CNTN3: variants seen among roughly 807,000 people sequenced by gnomAD.
CNTN3 encodes the protein contactin-3.
A neutral mutation model predicts 119.1 loss-of-function variants in CNTN3; 60 were observed. The ratio of observed to expected loss-of-function variants is 0.50; its 90% CI spans 0.41 to 0.62. The LOEUF is 0.62. Among genes scored for constraint, CNTN3 ranks in the 20% least tolerant of loss-of-function variants. The probability of loss-of-function intolerance (pLI) is 0.00; values close to 1 mark genes in which losing one functional copy is unlikely to be tolerated. For missense variants in CNTN3, 1,101 were observed against 1,242.4 expected, an observed-to-expected ratio of 0.89 and a Z score of 1.71; for synonymous variants, 450 against 438.7, an observed-to-expected ratio of 1.03 and a Z score of -0.32.
intron 1 of CNTN3, among the ~76,000 whole-genome samples, chr3:74,523,277 A>G (rs754677690): frequency 1.3e-5 from 2 of 151,910 alleles, no homozygotes; most frequent in African/African-American, 2.4e-5. Context: ...GATGAAACAC[A>G]CACAAACATG....
At chr3:74,433,590 C>G (rs903994602) in intron 4 of CNTN3, among the ~76,000 whole-genome samples, 2 of 152,202 alleles carry the variant, frequency 1.3e-5, no homozygotes, top group Non-Finnish European at 2.9e-5. Context: ...CCTAAGTATA[C>G]TCTACAAGAC....
At chr3:74,586,968 T>C (rs1704603517) in intron 1 of CNTN3, among the ~76,000 whole-genome samples, 2 of 152,028 alleles carry the variant, frequency 1.3e-5, no homozygotes, top group Admixed American at 1.3e-4. Flanking sequence ...GTGAACTGCC[T>C]CTCCCAGCTA....
intron 4 of CNTN3, among the ~76,000 whole-genome samples, chr3:74,441,842 T>C (rs1701971709): frequency 6.6e-6 from 1 of 152,188 alleles, no homozygotes; most frequent in African/African-American, 2.4e-5. Context: ...AAATAAATTA[T>C]CTTTTGCATT....
chr3:74,479,905 T>C (rs1702732555), intron 4 of CNTN3, among the ~76,000 whole-genome samples: 1 of 152,058 alleles, frequency 6.6e-6, no homozygotes, highest in Admixed American at 6.6e-5. Flanking sequence ...AAAATTTTGG[T>C]TGACTTAAGT....
chr3:74,390,858 G>A (rs902471163), intron 5 of CNTN3, among the ~76,000 whole-genome samples: 4 of 152,080 alleles, frequency 2.6e-5, no homozygotes, highest in Admixed American at 2.0e-4. Context: ...ATGATACAGA[G>A]GTTAATACAG....
chr3:74,339,132 T>C (rs1703468666), intron 11 of CNTN3, among the ~76,000 whole-genome samples: 1 of 152,126 alleles, frequency 6.6e-6, no homozygotes, highest in Non-Finnish European at 1.5e-5. Flanking sequence ...ATATGGAGAC[T>C]GGAAGTTTTA....
chr3:74,362,011 T>C lies in CNTN3; in HGVS notation c.1243A>G (p.Met415Val), dbSNP rs142940157. ...ACCTGCACCTGAACCAACTTCTTCA[T>C]TGGATTCTTTGAAAAATCTGGAGCA... ...ASAPDFSKNP[M>V]KKLVQVQVGS... is the part of the protein sequence containing the mutation. The change falls in exon 11 of 23, where the codon ATG becomes GTG. Residue 415 changes from methionine to valine, a missense_variant. By Grantham distance (21) the Met-to-Val change is conservative. Coordinates refer to ENST00000263665, the MANE Select transcript of CNTN3 (RefSeq NM_020872.3). 3.0e-5 allele frequency: 48 copies of C among 1,613,474 alleles called. 1 individual carries two copies. The South Asian group carries it at 4.3e-4, about 14-fold the overall frequency.
intron 2 of CNTN3, among the ~76,000 whole-genome samples, chr3:74,513,103 A>G (rs919564422): frequency 6.6e-6 from 1 of 152,142 alleles, no homozygotes; most frequent in Non-Finnish European, 1.5e-5. Context: ...AAATGTTGCC[A>G]TCTCCCTTTA....
chr3:74,482,199 T>C (rs1386265801), intron 4 of CNTN3, among the ~76,000 whole-genome samples: 1 of 151,818 alleles, frequency 6.6e-6, no homozygotes, highest in African/African-American at 2.4e-5. Context: ...CAGAAAAGGA[T>C]AAATAGGCAA....
chr3:74,359,812 T>C (rs1704039902), intron 11 of CNTN3, among the ~76,000 whole-genome samples: 1 of 149,088 alleles, frequency 6.7e-6, no homozygotes, highest in Admixed American at 6.7e-5. Context: ...AATCTCTATT[T>C]AATTCATGTA....
At chr3:74,550,071 G>A (rs1031174432) in intron 1 of CNTN3, among the ~76,000 whole-genome samples, 2 of 152,166 alleles carry the variant, frequency 1.3e-5, no homozygotes, top group Non-Finnish European at 2.9e-5. Flanking sequence ...AGGCACAAGA[G>A]AAATCCAGCA....
At chr3:74,392,853 C>T (rs947196761) in intron 5 of CNTN3, among the ~76,000 whole-genome samples, 1 of 151,922 alleles carries the variant, frequency 6.6e-6, no homozygotes, top group Non-Finnish European at 1.5e-5. Flanking sequence ...CAGTAGAGTG[C>T]ACCATGTTAA....
intron 5 of CNTN3, among the ~76,000 whole-genome samples, chr3:74,417,165 G>A (rs1397498499): frequency 6.6e-6 from 1 of 151,960 alleles, no homozygotes; most frequent in Non-Finnish European, 1.5e-5. Flanking sequence ...AATAATAATG[G>A]CACCTATTAT....
chr3:74,365,789 T>A, intron 8 of CNTN3, 87 bp from the exon 9 acceptor site: 1 of 1,421,796 alleles, frequency 7.0e-7, no homozygotes, highest in Non-Finnish European at 9.5e-7. Context: ...TTACCTGGAT[T>A]AATAGAAATG....
At chr3:74,597,219 T>C (rs1281593444) in intron 1 of CNTN3, among the ~76,000 whole-genome samples, 2 of 152,042 alleles carry the variant, frequency 1.3e-5, no homozygotes, top group African/African-American at 2.4e-5. Flanking sequence ...AAACAGAAAA[T>C]CATCTTTTAT....
At chr3:74,542,589 C>T (rs1703857255) in intron 1 of CNTN3, among the ~76,000 whole-genome samples, 1 of 152,082 alleles carries the variant, frequency 6.6e-6, no homozygotes. Flanking sequence ...AACTATTCAG[C>T]TAAGATGCAT....
chr3:74,465,984 G>A (rs1351426646), intron 4 of CNTN3, among the ~76,000 whole-genome samples: 1 of 152,142 alleles, frequency 6.6e-6, no homozygotes, highest in East Asian at 1.9e-4. Flanking sequence ...ATCCAGCTAG[G>A]ACTATAGCCA....
chr3:74,560,644 T>C (rs1003998829), intron 1 of CNTN3, among the ~76,000 whole-genome samples: 6 of 152,130 alleles, frequency 3.9e-5, no homozygotes, highest in Non-Finnish European at 8.8e-5. Context: ...GAACTAGAAA[T>C]ACCATTTGAC....
intron 1 of CNTN3, among the ~76,000 whole-genome samples, chr3:74,547,119 T>G (rs1405800629): frequency 6.6e-6 from 1 of 152,190 alleles, no homozygotes; most frequent in Non-Finnish European, 1.5e-5. Context: ...TTAATTTTAT[T>G]TACACATACA....
Sources: gnomAD v4.1 joint callset for allele counts (sites outside exome capture counted in the v4.1 genomes callset) on GRCh38, gnomAD v4.1.1 for gene constraint, MANE v1.5 for transcripts, NCBI Gene and HGNC (gene_info 2026-07-23, HGNC 2026-07-21) for gene names.